Variants in PREX2 observed in about 807,000 individuals in gnomAD.
PREX2 encodes the protein phosphatidylinositol 3,4,5-trisphosphate-dependent Rac exchanger 2 protein.
Under a neutral mutation model 203.2 loss-of-function variants are expected in PREX2, and 107 were observed. That is an observed-to-expected ratio of 0.53 (90% CI 0.45 to 0.62). PREX2 has a LOEUF of 0.62. Among genes scored for constraint, PREX2 ranks in the 20% least tolerant of loss-of-function variants. The pLI is 0.00. For missense variants in PREX2, 1,777 were observed against 1,955.9 expected (o/e 0.91, Z 1.72); for synonymous variants, 672 against 663.6 (o/e 1.01, Z -0.19).
At chr8:68,027,468 C>A in intron 5 of PREX2, 145 bp downstream of exon 5, 1 of 602,976 alleles carries the variant, frequency 1.7e-6, no homozygotes, top group Non-Finnish European at 2.9e-6. Context: ...CATTTTGTCA[C>A]AAATTTATAT....
In PREX2 at chr8:68,011,484, G is replaced by T. The variant is rs562218064; in HGVS notation, c.142-6362G>T. Among the ~76,000 whole-genome samples, 121 of 152,088 alleles carry T rather than the reference G, an allele frequency of 8.0e-4. 4 individuals carry two copies. The South Asian group carries it at 0.021, about 26-fold the overall frequency. On this transcript the variant is annotated intron_variant, in intron 1 of 39. Transcript: ENST00000288368. ...TACATGGCAATTAACATTCAGCTTT[G>T]GTGTACATGATGATAGGGAGTAGTG...
intron 30 of PREX2, among the ~76,000 whole-genome samples, chr8:68,123,626 G>A (rs996038606): frequency 6.6e-6 from 1 of 151,544 alleles, no homozygotes; most frequent in African/African-American, 2.4e-5. Context: ...CCATAACTAT[G>A]GACACCTCTA....
At chr8:68,191,401 A>G (rs1812291490) in intron 35 of PREX2, among the ~76,000 whole-genome samples, 1 of 152,178 alleles carries the variant, frequency 6.6e-6, no homozygotes, top group South Asian at 2.1e-4. Context: ...TGTTCTACAT[A>G]TTTTATCTGC....
chr8:68,018,074 A>G (rs1051634332), intron 2 of PREX2, among the ~76,000 whole-genome samples, 157 bp downstream of exon 2: 1 of 152,162 alleles, frequency 6.6e-6, no homozygotes, highest in African/African-American at 2.4e-5. Context: ...AAAAGGAGAA[A>G]TAGGGCTTAG....
At chr8:68,049,098 A>C (rs543525338) in intron 8 of PREX2, among the ~76,000 whole-genome samples, 1 of 150,284 alleles carries the variant, frequency 6.7e-6, no homozygotes, top group South Asian at 2.1e-4. Flanking sequence ...GATTTTTAAA[A>C]GGAAAAGTCA....
chr8:68,226,720 C>T (rs958167851), intron 39 of PREX2, among the ~76,000 whole-genome samples: 5 of 152,164 alleles, frequency 3.3e-5, no homozygotes, highest in Non-Finnish European at 5.9e-5. Flanking sequence ...ATAGTGTCCT[C>T]CACCAGTTGT....
At chr8:68,038,029 T>A in intron 6 of PREX2, 130 bp from the exon 7 acceptor site, 1 of 927,292 alleles carries the variant, frequency 1.1e-6, no homozygotes, top group East Asian at 2.5e-5. Context: ...CTATCTCTAC[T>A]GCTTGCACTT....
At chr8:67,956,658 G>A (rs1196921342) in intron 1 of PREX2, among the ~76,000 whole-genome samples, 1 of 152,202 alleles carries the variant, frequency 6.6e-6, no homozygotes, top group African/African-American at 2.4e-5. Flanking sequence ...AATGAGGCAG[G>A]ATGACCATAT....
At chr8:67,974,358 T>A (rs1479600960) in intron 1 of PREX2, among the ~76,000 whole-genome samples, 1 of 152,082 alleles carries the variant, frequency 6.6e-6, no homozygotes, top group African/African-American at 2.4e-5. Flanking sequence ...AAAAGAAAAA[T>A]CTATGGAGTT....
At chr8:68,147,071 T>C (rs747885991) in intron 34 of PREX2, among the ~76,000 whole-genome samples, 2 of 152,124 alleles carry the variant, frequency 1.3e-5, no homozygotes, top group Non-Finnish European at 2.9e-5. Flanking sequence ...ATTATTTCCC[T>C]CCACATTCTA....
rs149625667 is a variant in PREX2, at chr8:68,024,384, T to C, written c.441+2244T>C. Among the ~76,000 whole-genome samples the C allele has an allele frequency of 1.9e-3, 291 of 152,170 alleles. 2 individuals carry two copies. Among genetic ancestry groups the C allele is most frequent in the Admixed American group, 0.016 (251 of 15,278 alleles). ...CTGTTAGATATGCACGCATTCATAATTGTTAGATTCATATTTCTGTTTATC... is the reference window on the plus strand; with the variant it reads ...CTGTTAGATATGCACGCATTCATAACTGTTAGATTCATATTTCTGTTTATC... On this transcript the variant is annotated intron_variant, in intron 4 of 39. Transcript: ENST00000288368.
At chr8:68,157,474 T>C (rs982694065) in intron 35 of PREX2, 38 bp downstream of exon 35, 10 of 1,083,142 alleles carry the variant, frequency 9.2e-6, no homozygotes, top group Non-Finnish European at 1.3e-5. Flanking sequence ...TGAGTGTCTA[T>C]ATTTTGATAG....
At chr8:68,169,097 T>A (rs1811817926) in intron 35 of PREX2, among the ~76,000 whole-genome samples, 1 of 152,174 alleles carries the variant, frequency 6.6e-6, no homozygotes, top group African/African-American at 2.4e-5. Context: ...GTCCTGAAGA[T>A]ACCATTTCTC....
intron 1 of PREX2, among the ~76,000 whole-genome samples, chr8:67,993,083 G>A (rs931586675): frequency 5.9e-5 from 9 of 152,244 alleles, no homozygotes; most frequent in Admixed American, 3.3e-4. Context: ...TTTTTTAAAT[G>A]AGGAAGAAAT....
intron 8 of PREX2, 126 bp downstream of exon 8, chr8:68,044,716 A>G (rs1487178404): frequency 1.1e-5 from 8 of 696,576 alleles, no homozygotes; most frequent in Non-Finnish European, 2.0e-5. Context: ...TGTTAGGTAA[A>G]GTGGTTGGGT....
At chr8:68,040,502 G>A (rs539820880) in intron 7 of PREX2, among the ~76,000 whole-genome samples, 3 of 152,002 alleles carry the variant, frequency 2.0e-5, no homozygotes, top group East Asian at 3.9e-4. Context: ...CCTTCTCAGG[G>A]CCTTTGTACT....
intron 11 of PREX2, among the ~76,000 whole-genome samples, chr8:68,064,320 T>G (rs192582692): frequency 1.2e-3 from 187 of 152,252 alleles, no homozygotes; most frequent in Non-Finnish European, 2.1e-3. Flanking sequence ...TTCAATTATA[T>G]AAACATGTAA....
At chr8:67,968,713 G>T (rs1035736703) in intron 1 of PREX2, among the ~76,000 whole-genome samples, 10 of 152,108 alleles carry the variant, frequency 6.6e-5, no homozygotes, top group Non-Finnish European at 8.8e-5. Flanking sequence ...TGCTATTTGT[G>T]ACCTGTCTGC....
intron 35 of PREX2, among the ~76,000 whole-genome samples, chr8:68,184,200 G>T (rs1314280738): frequency 6.6e-6 from 1 of 152,110 alleles, no homozygotes; most frequent in Non-Finnish European, 1.5e-5. Context: ...ACATGTGGCC[G>T]CAGGTTGAAC....
Sources: allele counts gnomAD v4.1 joint callset (sites outside exome capture counted in the v4.1 genomes callset), GRCh38; gene constraint gnomAD v4.1.1; transcripts MANE v1.5; gene names NCBI Gene and HGNC (gene_info 2026-07-23, HGNC 2026-07-21).